Variants in LRRIQ1 observed in about 807,000 individuals in gnomAD.
LRRIQ1 encodes leucine-rich repeat- and IQ domain-containing protein 1.
LRRIQ1 carries 210 observed loss-of-function variants against 211.9 expected under a neutral mutation model. The observed-to-expected ratio is 0.99, with a 90% CI of 0.89 to 1.11. LRRIQ1 has a LOEUF of 1.11. Among genes scored for constraint, LRRIQ1 ranks in the 50% most tolerant of loss-of-function variants. The pLI is 0.00. For synonymous variants in LRRIQ1, 699 were observed against 650.1 expected (o/e 1.08, Z -1.14); for missense variants, 2,136 against 1,939.5 (o/e 1.10, Z -1.90).
At chr12:85,206,582 T>C (rs1893558844) in intron 24 of LRRIQ1, among the ~76,000 whole-genome samples, 1 of 151,538 alleles carries the variant, frequency 6.6e-6, no homozygotes, top group African/African-American at 2.4e-5. Flanking sequence ...GCAATGGGGG[T>C]GAGGGGGTGC....
intron 23 of LRRIQ1, among the ~76,000 whole-genome samples, chr12:85,156,119 C>T (rs1017503033): frequency 1.3e-5 from 2 of 151,620 alleles, no homozygotes; most frequent in Non-Finnish European, 3.0e-5. Flanking sequence ...GACTGTTACT[C>T]CAATAACATG....
At chr12:85,132,840 A>T (rs1206756844) in intron 18 of LRRIQ1, among the ~76,000 whole-genome samples, 1 of 152,094 alleles carries the variant, frequency 6.6e-6, no homozygotes, top group Non-Finnish European at 1.5e-5. Context: ...AAGAGGTAAA[A>T]GAAAAATAGT....
rs1025778699 is a variant in LRRIQ1 at position 85,124,624 on chromosome 12, A to G, written c.4007+105A>G. 5 of 864,532 alleles carry G rather than the reference A, an allele frequency of 5.8e-6. No individual in the cohort carries two copies. The African/African-American group carries it at 8.6e-5, about 15-fold the overall frequency. The allele number at this position is 864,532 out of a possible 1,614,324, so 53.6% of individuals were successfully genotyped here. A position where few individuals can be genotyped will look rare whatever the true frequency, so the allele number is the denominator to read the frequency against. On this transcript the variant is annotated intron_variant, in intron 17 of 26. Transcript: ENST00000393217. ...TAATTTGCTGAAGGATTCAAATCACAATCATATTTCATACCGATTCCATTA... is the reference window on the plus strand; with the variant it reads ...TAATTTGCTGAAGGATTCAAATCACGATCATATTTCATACCGATTCCATTA...
chr12:85,195,092 G>C (rs1326238354), intron 24 of LRRIQ1, among the ~76,000 whole-genome samples: 5 of 152,028 alleles, frequency 3.3e-5, no homozygotes, highest in South Asian at 2.1e-4. Context: ...AAAAATTCCT[G>C]GACACATACA....
In LRRIQ1 at chr12:85,055,854, A is replaced by G. The variant is rs1291584798; in HGVS notation, c.1061A>G (p.Glu354Gly). Residue 354 changes from glutamate to glycine, a missense_variant, in exon 8 of 27, where the codon GAA (glutamate) becomes GGA (glycine). Glu to Gly is a moderately conservative substitution (Grantham distance 98). Coordinates refer to ENST00000393217, the MANE Select transcript of LRRIQ1 (RefSeq NM_001079910.2). ...AAAGAAGAGAGAAAAAAGCAAAAGG[A>G]AGAGGAAAGGAAAAGGAGAGAAAAA... is the stretch of plus-strand genomic sequence containing the variant. ...RIKEERKKQKEEERKRREKEY... is the reference protein window; with the variant it reads ...RIKEERKKQKGEERKRREKEY... 1.9e-6 allele frequency: 3 copies of G among 1,591,304 alleles called. No individual in the cohort carries two copies. The highest frequency in any genetic ancestry group is 1.4e-5 in the African/African-American group (1 of 73,670).
intron 1 of LRRIQ1, among the ~76,000 whole-genome samples, chr12:85,261,027 C>T (rs1034394513): frequency 6.6e-6 from 1 of 152,180 alleles, no homozygotes; most frequent in East Asian, 1.9e-4. Context: ...CTGGCTAACA[C>T]GTGGAAGTCA....
intron 24 of LRRIQ1, among the ~76,000 whole-genome samples, chr12:85,174,408 G>A (rs2136832565): frequency 6.6e-6 from 1 of 151,722 alleles, no homozygotes; most frequent in Admixed American, 6.6e-5. Context: ...AATAATCAGA[G>A]ATCCAGGCCC....
chr12:85,251,373 TAA>T (rs1895938824), intron 1 of LRRIQ1, among the ~76,000 whole-genome samples: 1 of 151,918 alleles, frequency 6.6e-6, no homozygotes, highest in Non-Finnish European at 1.5e-5. Flanking sequence ...GAGTGACTAA[TAA>T]AGTATAATAT....
chr12:85,086,520 A>G (rs1884833520), intron 11 of LRRIQ1, among the ~76,000 whole-genome samples: 1 of 152,162 alleles, frequency 6.6e-6, no homozygotes, highest in Non-Finnish European at 1.5e-5. Flanking sequence ...GGAGCCAAGC[A>G]GATGTCAGCA....
chr12:85,232,614 A>G (rs1894995849), intron 25 of LRRIQ1, 82 bp from the exon 26 acceptor site: 2 of 1,125,660 alleles, frequency 1.8e-6, no homozygotes, highest in East Asian at 4.9e-5. Context: ...AATTTCTCTC[A>G]AGCTTTTTAG....
intron 20 of LRRIQ1, 50 bp downstream of exon 20, chr12:85,152,419 A>G (rs759387046): frequency 3.2e-5 from 46 of 1,426,536 alleles, no homozygotes; most frequent in Non-Finnish European, 4.4e-5. Flanking sequence ...TCATTTCTTA[A>G]GGTTATGCTA....
At chr12:85,064,258 A>C (rs921470445) in intron 8 of LRRIQ1, among the ~76,000 whole-genome samples, 1 of 151,870 alleles carries the variant, frequency 6.6e-6, no homozygotes, top group Non-Finnish European at 1.5e-5. Context: ...TTTGATTTAC[A>C]TTTATCTGAT....
In LRRIQ1 at chr12:85,077,111, A is replaced by G. The variant is rs142577745; in HGVS notation, c.2887+4013A>G. ...TGAAAAACCATCAGACATGGCAATC[A>G]GTGAACAGCTGAAGGAGGTTGATCT... On this transcript the variant is annotated intron_variant, in intron 11 of 26. Coordinates refer to ENST00000393217, the MANE Select transcript of LRRIQ1 (RefSeq NM_001079910.2). 4.1e-4 allele frequency among the ~76,000 whole-genome samples: 62 copies of G among 152,312 alleles called. 1 individual carries two copies. Among genetic ancestry groups the G allele is most frequent in the African/African-American group, 1.3e-3 (56 of 41,584 alleles).
chr12:85,252,334 T>G (rs932895297), intron 1 of LRRIQ1, among the ~76,000 whole-genome samples: 7 of 151,968 alleles, frequency 4.6e-5, no homozygotes, highest in Non-Finnish European at 8.8e-5. Flanking sequence ...AAATGATATT[T>G]TAGTTAATCC....
chr12:85,134,155 A>G (rs1460856646), intron 18 of LRRIQ1, among the ~76,000 whole-genome samples: 2 of 152,134 alleles, frequency 1.3e-5, no homozygotes, highest in African/African-American at 4.8e-5. Flanking sequence ...ATCTTGCTCT[A>G]CTGAGCTTAA....
At chr12:85,076,814 T>C (rs548661904) in intron 11 of LRRIQ1, among the ~76,000 whole-genome samples, 20 of 151,948 alleles carry the variant, frequency 1.3e-4, no homozygotes, top group African/African-American at 3.9e-4. Context: ...TAGATGGTGC[T>C]AGCTTACTTG....
At chr12:85,076,645 G>A in intron 11 of LRRIQ1, 1 of 500,052 alleles carries the variant, frequency 2.0e-6, no homozygotes, top group Non-Finnish European at 2.6e-6. Context: ...AGGCTTGATT[G>A]CTGTGTCGTG....
At chr12:85,117,487 T>G (rs1887666776) in intron 15 of LRRIQ1, among the ~76,000 whole-genome samples, 1 of 152,204 alleles carries the variant, frequency 6.6e-6, no homozygotes, top group Non-Finnish European at 1.5e-5. Flanking sequence ...TAATTTTTCT[T>G]GTAAGATATA....
At chr12:85,095,426 G>T (rs772345552) in intron 11 of LRRIQ1, among the ~76,000 whole-genome samples, 1 of 152,078 alleles carries the variant, frequency 6.6e-6, no homozygotes, top group African/African-American at 2.4e-5. Context: ...TTATTGATTT[G>T]CATGTATTAA....
Sources: allele counts gnomAD v4.1 joint callset (sites outside exome capture counted in the v4.1 genomes callset), GRCh38; gene constraint gnomAD v4.1.1; transcripts MANE v1.5; gene names NCBI Gene and HGNC (gene_info 2026-07-23, HGNC 2026-07-21).